Variants in MERTK observed in about 807,000 individuals in gnomAD.
MERTK encodes MER proto-oncogene, tyrosine kinase.
MERTK carries 69 observed loss-of-function variants against 99.3 expected under a neutral mutation model. That is an observed-to-expected ratio of 0.70 (90% CI 0.57 to 0.85). The LOEUF is 0.85. MERTK is among the 40% of genes least tolerant of loss of function. MERTK has a pLI of 0.00. For synonymous variants in MERTK, 426 were observed against 467.6 expected, an observed-to-expected ratio of 0.91 and a Z score of 1.15; for missense variants, 1,125 against 1,249.4, an observed-to-expected ratio of 0.90 and a Z score of 1.50.
At chr2:111,932,198 T>C (rs1000764011) in intron 2 of MERTK, among the ~76,000 whole-genome samples, 10 of 152,204 alleles carry the variant, frequency 6.6e-5, no homozygotes, top group African/African-American at 2.4e-4. Flanking sequence ...CATTTCTTTT[T>C]TGAGACGGAG....
chr2:111,964,767 A>C (rs1685329210), intron 4 of MERTK, among the ~76,000 whole-genome samples: 1 of 152,162 alleles, frequency 6.6e-6, no homozygotes, highest in African/African-American at 2.4e-5. Context: ...GAGATTTTTA[A>C]ACTGTGGCTT....
chr2:111,909,359 T>C (rs985728880), intron 1 of MERTK, among the ~76,000 whole-genome samples: 5 of 152,198 alleles, frequency 3.3e-5, no homozygotes, highest in Admixed American at 2.6e-4. Flanking sequence ...TCCTGGGCCT[T>C]GACTCATGAC....
chr2:111,925,292 ATTTTTTT>A lies in MERTK; in HGVS notation c.62-3808_62-3802del, dbSNP rs11433691. On this transcript the variant is annotated intron_variant, in intron 1 of 18. Transcript: ENST00000295408. The stretch of plus-strand genomic sequence containing the variant: ...ACAGATCAGATATATATATATATAT[ATTTTTTT>A]TTTTTTTTTTTTTTTTTTTGAGATG... Among the ~76,000 whole-genome samples, 26 of 24,496 alleles carry A rather than the reference ATTTTTTT, an allele frequency of 1.1e-3. No homozygotes were observed. In the East Asian group the frequency reaches 0.026, roughly 24 times the overall value. 16.1% of individuals were successfully genotyped at this position (24,496 alleles called of 152,430 possible).
chr2:112,006,369 G>C (rs531271485), intron 13 of MERTK, among the ~76,000 whole-genome samples: 2 of 152,126 alleles, frequency 1.3e-5, no homozygotes, highest in Admixed American at 1.3e-4. Flanking sequence ...TAACTAAAAA[G>C]GAGGTTCAGG....
At chr2:111,954,761 A>T (rs1685118332) in intron 4 of MERTK, among the ~76,000 whole-genome samples, 1 of 152,236 alleles carries the variant, frequency 6.6e-6, no homozygotes, top group South Asian at 2.1e-4. Context: ...GGCTAAAACA[A>T]GTCCAGGGAG....
chr2:112,014,338 T>C, intron 15 of MERTK, among the ~76,000 whole-genome samples: 1 of 152,068 alleles, frequency 6.6e-6, no homozygotes, highest in East Asian at 1.9e-4. Context: ...GCTAATTTTG[T>C]ATTTTTAGTA....
chr2:111,950,088 C>T (rs1685028306), intron 4 of MERTK, among the ~76,000 whole-genome samples: 1 of 152,152 alleles, frequency 6.6e-6, no homozygotes, highest in Admixed American at 6.5e-5. Context: ...AGGCACCTGC[C>T]ACTACGCCTG....
chr2:111,950,591 T>C (rs1167674987), intron 4 of MERTK, among the ~76,000 whole-genome samples: 1 of 152,204 alleles, frequency 6.6e-6, no homozygotes, highest in Non-Finnish European at 1.5e-5. Flanking sequence ...AGTGTAGACA[T>C]TTAGTGGATT....
intron 12 of MERTK, among the ~76,000 whole-genome samples, chr2:112,003,677 G>A (rs1236997589): frequency 6.6e-6 from 1 of 152,170 alleles, no homozygotes; most frequent in Non-Finnish European, 1.5e-5. Flanking sequence ...TTAATAAAGT[G>A]ATGAGCAAAG....
chr2:111,994,933 T>A (rs181965569), intron 9 of MERTK, among the ~76,000 whole-genome samples: 83 of 152,338 alleles, frequency 5.4e-4, no homozygotes, highest in African/African-American at 2.0e-3. Flanking sequence ...ACTTGGAAGA[T>A]TAGTCTTTTC....
intron 7 of MERTK, 136 bp from the exon 8 acceptor site, chr2:111,982,706 A>C: frequency 6.5e-6 from 6 of 929,402 alleles, no homozygotes; most frequent in Non-Finnish European, 1.0e-5. Flanking sequence ...AAAAGGTGAA[A>C]ATGTGCTATA....
chr2:112,021,607 G>A, intron 17 of MERTK, 26 bp downstream of exon 17: 1 of 1,589,126 alleles, frequency 6.3e-7, no homozygotes, highest in Non-Finnish European at 8.6e-7. Context: ...TGATTCAGGG[G>A]TCCCACAGCA....
Position 111,975,271 on chromosome 2 carries a change from T to G in MERTK, c.961-18T>G. On this transcript the variant is annotated intron_variant, in intron 6 of 18. Transcript: ENST00000295408. The stretch of plus-strand genomic sequence containing the variant: ...CCACCTTACTAATGCCCGGTCCTCA[T>G]GTTTACTCTTCGTTTAGGTCAAGGA... 1 of 1,613,928 alleles carries G rather than the reference T, an allele frequency of 6.2e-7. No individual in the cohort carries two copies. The highest frequency in any genetic ancestry group is 1.1e-5 in the South Asian group (1 of 91,084).
intron 18 of MERTK, among the ~76,000 whole-genome samples, chr2:112,026,502 T>C (rs1677463633): frequency 1.3e-5 from 2 of 152,204 alleles, no homozygotes; most frequent in South Asian, 4.1e-4. Context: ...GCAAATTGAC[T>C]TACGCCTGAA....
chr2:111,912,892 G>A, intron 1 of MERTK: 1 of 273,628 alleles, frequency 3.7e-6, no homozygotes, highest in Non-Finnish European at 5.6e-6. Flanking sequence ...GTTGGTGGCT[G>A]TGAGAAGCCC....
rs145481240 is a variant in MERTK at position 111,962,055 on chromosome 2, C to A, written c.758-3136C>A. On this transcript the variant is annotated intron_variant, in intron 4 of 18. Coordinates refer to ENST00000295408, the MANE Select transcript of MERTK (RefSeq NM_006343.3). ...ATTTCCTACACATGTAGACAGAAGA[C>A]ACAAAATAAGCTTTTCTGCCAAGAA... 6.5e-3 allele frequency among the ~76,000 whole-genome samples: 983 copies of A among 152,202 alleles called. 13 individuals carry two copies. Among genetic ancestry groups the A allele is most frequent in the African/African-American group, 0.023 (947 of 41,528 alleles).
intron 6 of MERTK, among the ~76,000 whole-genome samples, chr2:111,969,791 A>C (rs1676053866): frequency 1.4e-5 from 2 of 147,718 alleles, no homozygotes; most frequent in Admixed American, 1.4e-4. Context: ...TCCCGGGTTC[A>C]CGCCATTCTC....
intron 4 of MERTK, among the ~76,000 whole-genome samples, chr2:111,961,553 G>A (rs1685251721): frequency 6.6e-6 from 1 of 152,124 alleles, no homozygotes; most frequent in Admixed American, 6.5e-5. Context: ...TTAAGATACT[G>A]TGAAGTAGCA....
At chr2:111,907,258 CA>C (rs1336356212) in intron 1 of MERTK, among the ~76,000 whole-genome samples, 2 of 152,060 alleles carry the variant, frequency 1.3e-5, no homozygotes, top group South Asian at 2.1e-4. Context: ...CTACTAAATA[CA>C]AAAAATTAGC....
Sources: allele counts gnomAD v4.1 joint callset (sites outside exome capture counted in the v4.1 genomes callset), GRCh38; gene constraint gnomAD v4.1.1; transcripts MANE v1.5; gene names NCBI Gene and HGNC (gene_info 2026-07-23, HGNC 2026-07-21).